The following NAALADL2 variants were observed in gnomAD, a reference collection of about 807,000 sequenced individuals.
NAALADL2 encodes N-acetylated alpha-linked acidic dipeptidase like 2.
Under a neutral mutation model 87.2 loss-of-function variants are expected in NAALADL2, and 76 were observed. That is an observed-to-expected ratio of 0.87 (90% CI 0.72 to 1.05). The LOEUF is 1.05. Among genes scored for constraint, NAALADL2 ranks in the 50% least tolerant of loss-of-function variants. The pLI, the probability that NAALADL2 is intolerant of heterozygous loss-of-function variation, is 0.00. For synonymous variants in NAALADL2, 354 were observed against 331.0 expected (o/e 1.07, Z -0.75); for missense variants, 1,089 against 945.8 (o/e 1.15, Z -1.99).
chr3:174,643,929 T>C (rs1431073131), intron 2 of NAALADL2, among the ~76,000 whole-genome samples: 3 of 152,222 alleles, frequency 2.0e-5, no homozygotes, highest in Admixed American at 2.0e-4. Context: ...TGTATTTCTT[T>C]TATTATGTTA....
chr3:174,526,246 C>T (rs1720734774), intron 1 of NAALADL2, among the ~76,000 whole-genome samples: 1 of 152,148 alleles, frequency 6.6e-6, no homozygotes, highest in African/African-American at 2.4e-5. Flanking sequence ...GTAGGGCATA[C>T]TGGCAATTCA....
intron 5 of NAALADL2, among the ~76,000 whole-genome samples, chr3:175,360,569 G>A (rs576181734): frequency 6.6e-6 from 1 of 152,088 alleles, no homozygotes; most frequent in Middle Eastern, 3.4e-3. Context: ...TATAAGTGTT[G>A]AGATACAGCA....
intron 2 of NAALADL2, among the ~76,000 whole-genome samples, chr3:174,659,697 T>A (rs1317284422): frequency 2.0e-5 from 3 of 152,182 alleles, no homozygotes; most frequent in Non-Finnish European, 4.4e-5. Context: ...AAAGGGAAGA[T>A]AAGTCAGGTT....
At chr3:175,289,963 C>G (rs1266130542) in intron 4 of NAALADL2, among the ~76,000 whole-genome samples, 1 of 152,004 alleles carries the variant, frequency 6.6e-6, no homozygotes, top group Non-Finnish European at 1.5e-5. Flanking sequence ...ACAAATAAGT[C>G]TATGAAGGAA....
At chr3:175,703,762 TAAAC>T (rs1561004443) in intron 11 of NAALADL2, among the ~76,000 whole-genome samples, 1 of 151,982 alleles carries the variant, frequency 6.6e-6, no homozygotes, top group Admixed American at 6.6e-5. Context: ...AATAAATAAA[TAAAC>T]AAAACTTAAC....
At chr3:174,791,287 C>T (rs181721610) in intron 3 of NAALADL2, among the ~76,000 whole-genome samples, 76 of 152,248 alleles carry the variant, frequency 5.0e-4, no homozygotes, top group Admixed American at 1.4e-3. Context: ...TCTGAATGTT[C>T]GCATTCTCCT....
intron 4 of NAALADL2, among the ~76,000 whole-genome samples, chr3:175,314,700 A>ATATATATAGTTCTAAC (rs1553857618): frequency 2.4e-5 from 2 of 84,954 alleles, no homozygotes; most frequent in South Asian, 4.2e-4. Context: ...ATATATATAT[A>ATATATATAGTTCTAAC]TATATATATA....
intron 2 of NAALADL2, among the ~76,000 whole-genome samples, chr3:175,118,373 G>T (rs1176957795): frequency 6.6e-6 from 1 of 151,620 alleles, no homozygotes; most frequent in Non-Finnish European, 1.5e-5. Flanking sequence ...TATCAATAAT[G>T]AGTATGCTAG....
intron 1 of NAALADL2, among the ~76,000 whole-genome samples, chr3:175,086,593 C>A (rs914979022): frequency 1.3e-5 from 2 of 152,066 alleles, no homozygotes; most frequent in East Asian, 3.8e-4. Context: ...TATTTAATTT[C>A]TTTGCGGCTC....
At chr3:174,551,238 G>T (rs1231831517) in intron 2 of NAALADL2, 2 of 151,930 alleles carry the variant, frequency 1.3e-5, no homozygotes, top group Non-Finnish European at 2.9e-5. Flanking sequence ...AGTTCATTCA[G>T]TTTTCTGTTG....
intron 3 of NAALADL2, among the ~76,000 whole-genome samples, chr3:174,775,844 C>T (rs1715143155): frequency 6.6e-6 from 1 of 152,120 alleles, no homozygotes; most frequent in Admixed American, 6.6e-5. Context: ...GTTACCTCAC[C>T]ACATTCCTTG....
chr3:175,293,176 G>A (rs893065502), intron 4 of NAALADL2, among the ~76,000 whole-genome samples: 4 of 151,892 alleles, frequency 2.6e-5, no homozygotes, highest in Non-Finnish European at 5.9e-5. Context: ...TTATCTTGGC[G>A]TGGAACTTAT....
chr3:175,565,966 A>G (rs1361804565), intron 9 of NAALADL2, among the ~76,000 whole-genome samples: 6 of 151,426 alleles, frequency 4.0e-5, no homozygotes, highest in Non-Finnish European at 8.8e-5. Flanking sequence ...AGCAGCTGAG[A>G]TTACAGGTGC....
intron 10 of NAALADL2, among the ~76,000 whole-genome samples, chr3:175,611,342 A>G (rs1180205763): frequency 6.6e-6 from 1 of 152,096 alleles, no homozygotes; most frequent in South Asian, 2.1e-4. Context: ...CTTGAGAGAG[A>G]ATTGTCATTT....
At chr3:174,713,861 A>G (rs1470963823) in intron 2 of NAALADL2, among the ~76,000 whole-genome samples, 1 of 152,026 alleles carries the variant, frequency 6.6e-6, no homozygotes, top group Admixed American at 6.5e-5. Flanking sequence ...TGTTTTAGAC[A>G]TGAAGTCCTT....
chr3:174,981,251 A>G (rs1745069291), intron 1 of NAALADL2, among the ~76,000 whole-genome samples: 1 of 152,196 alleles, frequency 6.6e-6, no homozygotes, highest in Non-Finnish European at 1.5e-5. Context: ...CAAGTAATTC[A>G]GAAGTCAGAA....
At chr3:175,110,827 C>T (rs1386721746) in intron 2 of NAALADL2, among the ~76,000 whole-genome samples, 2 of 151,540 alleles carry the variant, frequency 1.3e-5, no homozygotes, top group African/African-American at 2.4e-5. Context: ...ACAGGATGAC[C>T]AAAAACGTTT....
At chr3:174,818,534 TTAACA>T (rs988210912) in intron 3 of NAALADL2, among the ~76,000 whole-genome samples, 12 of 152,194 alleles carry the variant, frequency 7.9e-5, no homozygotes, top group Admixed American at 5.9e-4. Context: ...CTGCATATAC[TTAACA>T]TAAAGTAAAA....
chr3:174,756,050 A>G (rs926430516), intron 3 of NAALADL2, among the ~76,000 whole-genome samples: 2 of 152,210 alleles, frequency 1.3e-5, no homozygotes, highest in Non-Finnish European at 2.9e-5. Context: ...CACACACATT[A>G]CTATCAGCGG....
Sources: gnomAD v4.1 joint callset for allele counts (sites outside exome capture counted in the v4.1 genomes callset) on GRCh38, gnomAD v4.1.1 for gene constraint, MANE v1.5 for transcripts, NCBI Gene and HGNC (gene_info 2026-07-23, HGNC 2026-07-21) for gene names.